CD72: variants seen among roughly 807,000 people sequenced by gnomAD.
CD72 encodes CD72 molecule, also known as B-cell differentiation antigen CD72.
Under a neutral mutation model 50.7 loss-of-function variants are expected in CD72, and 28 were observed. That is an observed-to-expected ratio of 0.55 (90% CI 0.41 to 0.76). The LOEUF (loss-of-function observed/expected upper bound fraction) is 0.76. Among genes scored for constraint, CD72 ranks in the 30% least tolerant of loss-of-function variants. The probability of loss-of-function intolerance (pLI) is 0.00; values close to 1 mark genes in which losing one functional copy is unlikely to be tolerated. For missense variants in CD72, 403 were observed against 420.6 expected (o/e 0.96, Z 0.37); for synonymous variants, 176 against 171.2 (o/e 1.03, Z -0.22).
At chr9:35,622,533 G>T (rs905020886), upstream of CD72, among the ~76,000 whole-genome samples, 1 of 152,094 alleles carries the variant, frequency 6.6e-6, no homozygotes, top group Non-Finnish European at 1.5e-5. Context: ...GATGGCTCAC[G>T]CCTGTTATCC....
At chr9:35,630,339 C>G (rs1275562685) in intron 1 of CD72, among the ~76,000 whole-genome samples, 2 of 152,114 alleles carry the variant, frequency 1.3e-5, no homozygotes, top group Non-Finnish European at 2.9e-5. Context: ...CACCCGGCTG[C>G]TAAAGTGAAT....
upstream of CD72, among the ~76,000 whole-genome samples, chr9:35,619,903 A>C (rs572435323): frequency 2.0e-4 from 30 of 152,274 alleles, no homozygotes; most frequent in South Asian, 6.2e-3. Context: ...CTGTTTCCTA[A>C]GGTGCCTCTG....
intron 7 of CD72, among the ~76,000 whole-genome samples, chr9:35,611,108 G>A (rs577073900): frequency 8.5e-5 from 13 of 152,290 alleles, no homozygotes; most frequent in African/African-American, 3.1e-4. Context: ...AAAATTAGCC[G>A]GGCATGGCGG....
At chr9:35,624,736 C>T (rs760684716) in intron 1 of CD72, among the ~76,000 whole-genome samples, 2 of 152,228 alleles carry the variant, frequency 1.3e-5, no homozygotes, top group Non-Finnish European at 1.5e-5. Flanking sequence ...CATTTTCCAA[C>T]AGCACGTGCT....
intron 3 of CD72, 166 bp downstream of exon 3, chr9:35,617,010 C>T: frequency 1.4e-6 from 2 of 1,452,582 alleles, no homozygotes; most frequent in Non-Finnish European, 9.0e-7. Context: ...ACGTCGGATT[C>T]AGGCGCACCG....
intron 1 of CD72, among the ~76,000 whole-genome samples, chr9:35,626,660 C>T (rs1823199121): frequency 6.6e-6 from 1 of 152,200 alleles, no homozygotes; most frequent in Admixed American, 6.5e-5. Context: ...CCTTCAGCAA[C>T]TACCATCCTG....
intron 1 of CD72, among the ~76,000 whole-genome samples, chr9:35,630,803 C>G (rs1823237396): frequency 6.6e-6 from 1 of 152,186 alleles, no homozygotes. Flanking sequence ...GTGGCTCACA[C>G]CTGTAATCCC....
In CD72 at chr9:35,611,804, C is replaced by G. The variant is rs1162349025; in HGVS notation, c.950G>C (p.Arg317Thr). ...WKLTDDTQRT[R>T]TYAQSSKCNK... ...TACCCAGAAGTCCTAACAAACTTAC[C>G]TAGTGCGTTGTGTATCATCAGTCAA... The change falls in exon 7 of 9, where the codon AGG becomes ACG. Residue 317 changes from arginine (R) to threonine (T), a missense_variant and splice_region_variant. Arg to Thr is a moderately conservative substitution (Grantham distance 71). Coordinates refer to ENST00000259633, the MANE Select transcript of CD72 (RefSeq NM_001782.3). The G allele has an allele frequency of 1.3e-6, 2 of 1,541,590 alleles. No individual in the cohort carries two copies. Among genetic ancestry groups the G allele is most frequent in the African/African-American group, 1.4e-5 (1 of 73,440 alleles).
rs1399638331 is a variant in CD72 at position 35,618,033 on chromosome 9, A to G, written c.171T>C (p.Ser57=). Residue 57 remains serine (S), a synonymous_variant, in exon 2 of 9, where the codon TCT becomes TCC. Transcript: ENST00000259633. ...VLGVPSSLAS[S]VLGDKAAVKS... ...CCAGACCTGCTTTGTCCCCTAGTAC[A>G]GAAGAAGCCAAGCTTGAGGGCACCC... 2 of 1,612,070 alleles carry G rather than the reference A, an allele frequency of 1.2e-6. No homozygotes were observed. Among genetic ancestry groups the G allele is most frequent in the Non-Finnish European group, 1.7e-6 (2 of 1,178,078 alleles).
intron 1 of CD72, among the ~76,000 whole-genome samples, chr9:35,629,685 C>T (rs1186996881): frequency 1.3e-5 from 2 of 152,208 alleles, no homozygotes; most frequent in Non-Finnish European, 2.9e-5. Context: ...AACCCGTGAA[C>T]ATAGACTGGA....
Position 35,617,639 on chromosome 9 carries a change from C to G in CD72, c.190+375G>C, listed in dbSNP as rs1823086555. Among the ~76,000 whole-genome samples the G allele has an allele frequency of 3.3e-5, 5 of 152,118 alleles. No individual in the cohort carries two copies. The South Asian group carries it at 1.0e-3, about 31-fold the overall frequency. On this transcript the variant is annotated intron_variant, in intron 2 of 8. Coordinates refer to ENST00000259633, the MANE Select transcript of CD72 (RefSeq NM_001782.3). ...AGGGCTGCCCTATCCCTCCGCAGCC[C>G]TTATCTCCCCGAAAGGGGTCTCCAC...
At chr9:35,616,908 C>A in intron 3 of CD72, 1 of 1,233,522 alleles carries the variant, frequency 8.1e-7, no homozygotes. Context: ...GACTCGGGGG[C>A]GTTACCTGGG....
At chr9:35,632,579 CTTT>C (rs72487368) in intron 1 of CD72, among the ~76,000 whole-genome samples, 1 of 140,058 alleles carries the variant, frequency 7.1e-6, no homozygotes. Context: ...ATTTTATTAG[CTTT>C]TTTTTTTTTT....
At chr9:35,619,362 A>G (rs544274696), upstream of CD72, 3 of 152,402 alleles carry the variant, frequency 2.0e-5, no homozygotes, top group Admixed American at 1.3e-4. Context: ...TAGGAACCCC[A>G]AAATGGCCTA....
At chr9:35,636,114 G>T (rs922361814) in intron 1 of CD72, among the ~76,000 whole-genome samples, 1 of 152,118 alleles carries the variant, frequency 6.6e-6, no homozygotes, top group East Asian at 1.9e-4. Context: ...AATTTTGGGT[G>T]AGAAATTCCT....
At chr9:35,610,791 A>AG in intron 7 of CD72, 38 bp from the exon 8 acceptor site, 2 of 1,546,772 alleles carry the variant, frequency 1.3e-6, no homozygotes, top group Non-Finnish European at 1.8e-6. Context: ...TATGCTCTGG[A>AG]CATATCCCAC....
rs1823094150 is a variant in CD72, at chr9:35,617,996, C to G, written c.190+18G>C. On this transcript the variant is annotated intron_variant, in intron 2 of 8. Coordinates refer to ENST00000259633, the MANE Select transcript of CD72 (RefSeq NM_001782.3). Reference sequence around the variant, plus strand: ...ACACAGCCCCCCAACAAACACACATCCCCCAGGCTCTCCAGACCTGCTTTG... The same window carrying G: ...ACACAGCCCCCCAACAAACACACATGCCCCAGGCTCTCCAGACCTGCTTTG... The G allele has an allele frequency of 2.7e-6, 4 of 1,457,368 alleles. No homozygotes were observed. The South Asian group carries it at 3.4e-5, about 12-fold the overall frequency. The allele number at this position is 1,457,368 out of a possible 1,614,324, so 90.3% of individuals were successfully genotyped here.
At chr9:35,616,864 G>A in intron 3 of CD72, 175 bp from the exon 4 acceptor site, 1 of 1,039,104 alleles carries the variant, frequency 9.6e-7, no homozygotes, top group Non-Finnish European at 1.4e-6. Context: ...TTCGCAGGTA[G>A]GGGAGAGGGT....
At position 35,613,542 on chromosome 9, in the gene CD72, C is replaced by A. The variant is rs535383759; in HGVS notation, c.689-549G>T. Among the ~76,000 whole-genome samples the A allele has an allele frequency of 1.2e-4, 19 of 152,278 alleles. No homozygotes were observed. In the East Asian group the frequency reaches 3.7e-3, roughly 29 times the overall value. ...TCAACATCCTACATCCCAATGTGCA[C>A]TTCTGATCCCAGGCCACCTCTCTCC... On this transcript the variant is annotated intron_variant, in intron 5 of 8. Transcript: ENST00000259633.
Sources: allele counts gnomAD v4.1 joint callset (sites outside exome capture counted in the v4.1 genomes callset), GRCh38; gene constraint gnomAD v4.1.1; transcripts MANE v1.5; gene names NCBI Gene and HGNC (gene_info 2026-07-23, HGNC 2026-07-21).